Variants in MOGAT1 observed in about 807,000 individuals in gnomAD.
MOGAT1 encodes the protein monoacylglycerol O-acyltransferase 1, also known as 2-acylglycerol O-acyltransferase 1.
MOGAT1 carries 32 observed loss-of-function variants against 31.4 expected under a neutral mutation model. That is an observed-to-expected ratio of 1.02 (90% CI 0.77 to 1.37). The LOEUF (loss-of-function observed/expected upper bound fraction) is 1.37, where lower values mean the gene tolerates loss of function less well. Among genes scored for constraint, MOGAT1 ranks in the 40% most tolerant of loss-of-function variants. The pLI is 0.00. For missense variants in MOGAT1, 426 were observed against 402.0 expected (o/e 1.06, Z -0.51); for synonymous variants, 145 against 144.5 (o/e 1.00, Z -0.03).
intron 5 of MOGAT1, 50 bp from the exon 6 acceptor site, chr2:222,709,686 T>C (rs1559236113): frequency 6.4e-7 from 1 of 1,572,388 alleles, no homozygotes; most frequent in East Asian, 2.2e-5. Flanking sequence ...CGGCGGTCTG[T>C]GGTGGAGTGG....
chr2:222,686,420 T>G (rs544772944), intron 1 of MOGAT1, among the ~76,000 whole-genome samples: 18 of 152,362 alleles, frequency 1.2e-4, no homozygotes, highest in Admixed American at 1.1e-3. Flanking sequence ...CCTATTTCAC[T>G]GTAGCTTATC....
intron 1 of MOGAT1, among the ~76,000 whole-genome samples, chr2:222,682,352 C>G (rs182290876): frequency 6.6e-6 from 1 of 152,308 alleles, no homozygotes; most frequent in South Asian, 2.1e-4. Context: ...TTTCCCTCAT[C>G]GTCTTCAACT....
intron 1 of MOGAT1, 105 bp downstream of exon 1, chr2:222,671,984 G>A: frequency 2.2e-6 from 2 of 929,000 alleles, no homozygotes; most frequent in Non-Finnish European, 3.3e-6. Flanking sequence ...TCGTTCCCCT[G>A]TCGGCCAGAG....
chr2:222,704,149 A>G (rs552999725), intron 5 of MOGAT1, among the ~76,000 whole-genome samples: 1 of 152,324 alleles, frequency 6.6e-6, no homozygotes, highest in South Asian at 2.1e-4. Flanking sequence ...AGGGCAAGGA[A>G]TTCTATTTCT....
chr2:222,673,331 C>CCAAAAAA (rs776588754), intron 1 of MOGAT1, among the ~76,000 whole-genome samples: 1 of 102,238 alleles, frequency 9.8e-6, no homozygotes, highest in African/African-American at 4.4e-5. Context: ...TAGAATTTAC[C>CCAAAAAA]AAAAAAAAAA....
rs370837304 is a variant in MOGAT1 at position 222,709,875 on chromosome 2, T to A, written c.993T>A (p.Thr331=). 1 of 1,601,730 alleles carries A rather than the reference T, an allele frequency of 6.2e-7. No individual in the cohort carries two copies. The highest frequency in any genetic ancestry group is 8.5e-7 in the Non-Finnish European group (1 of 1,175,300). The change falls in exon 6 of 6, where the codon ACT becomes ACA. Residue 331 remains threonine, a synonymous_variant. Coordinates refer to ENST00000446656, the MANE Select transcript of MOGAT1 (RefSeq NM_058165.3). ...AGTATGGCATTCCAGAGCACGAGAC[T>A]CTTGTTTTAAAATGACTTGACTATA... ...KGKYGIPEHE[T]LVLK
intron 5 of MOGAT1, among the ~76,000 whole-genome samples, chr2:222,707,367 GAAAGAGAAA>G (rs1693020690): frequency 7.2e-6 from 1 of 139,122 alleles, no homozygotes; most frequent in Non-Finnish European, 1.5e-5. Flanking sequence ...GAAAGAGAAA[GAAAGAGAAA>G]GAAAGAAAAG....
intron 3 of MOGAT1, among the ~76,000 whole-genome samples, chr2:222,690,296 C>A (rs1361437672): frequency 6.6e-6 from 1 of 152,134 alleles, no homozygotes; most frequent in Non-Finnish European, 1.5e-5. Context: ...CAGTGACTCA[C>A]ACCTGTTATC....
chr2:222,677,373 G>T (rs1381208017), intron 1 of MOGAT1, among the ~76,000 whole-genome samples: 1 of 152,158 alleles, frequency 6.6e-6, no homozygotes, highest in African/African-American at 2.4e-5. Flanking sequence ...GAGATCAGGA[G>T]ATCAAGACCA....
chr2:222,707,597 A>G (rs1462782014), intron 5 of MOGAT1, among the ~76,000 whole-genome samples: 2 of 152,282 alleles, frequency 1.3e-5, no homozygotes, highest in South Asian at 2.1e-4. Flanking sequence ...CTGCTAGTCC[A>G]TATTTCCAGC....
At chr2:222,686,164 GTTAGT>G (rs1692665120) in intron 1 of MOGAT1, among the ~76,000 whole-genome samples, 1 of 152,182 alleles carries the variant, frequency 6.6e-6, no homozygotes, top group Non-Finnish European at 1.5e-5. Context: ...CCTGTAATAA[GTTAGT>G]CTACAGTGTT....
intron 1 of MOGAT1, among the ~76,000 whole-genome samples, chr2:222,684,195 G>A (rs189000440): frequency 8.5e-5 from 13 of 152,240 alleles, no homozygotes; most frequent in African/African-American, 2.6e-4. Flanking sequence ...CCTGAGGTCA[G>A]GAGTTCAAGA....
chr2:222,682,574 C>T (rs1231730020), intron 1 of MOGAT1, among the ~76,000 whole-genome samples: 5 of 152,170 alleles, frequency 3.3e-5, no homozygotes, highest in Non-Finnish European at 7.3e-5. Flanking sequence ...ATTCGATGAT[C>T]ACACTTACAC....
At chr2:222,682,468 C>G (rs1692595916) in intron 1 of MOGAT1, among the ~76,000 whole-genome samples, 1 of 152,114 alleles carries the variant, frequency 6.6e-6, no homozygotes, top group Admixed American at 6.5e-5. Context: ...GTAGAGTGCC[C>G]CCCAACCTGG....
chr2:222,673,733 G>C (rs934278436), intron 1 of MOGAT1, among the ~76,000 whole-genome samples: 1 of 152,178 alleles, frequency 6.6e-6, no homozygotes, highest in Non-Finnish European at 1.5e-5. Flanking sequence ...ACACATCTCT[G>C]ATAGCCACTG....
chr2:222,685,770 T>A (rs1174060791), intron 1 of MOGAT1, among the ~76,000 whole-genome samples: 1 of 151,808 alleles, frequency 6.6e-6, no homozygotes, highest in African/African-American at 2.4e-5. Context: ...CCCACCAATT[T>A]TTGTATTTTT....
At position 222,694,473 on chromosome 2, in the gene MOGAT1, C is replaced by T. The variant is rs1423672510; in HGVS notation, c.590C>T (p.Pro197Leu). The T allele has an allele frequency of 6.2e-7, 1 of 1,613,924 alleles. No homozygotes were observed. Among genetic ancestry groups the T allele is most frequent in the South Asian group, 1.1e-5 (1 of 91,064 alleles). ...GGAKESLDAH[P>L]GKFTLFIRQR... Reference sequence around the variant, plus strand: ...GCAAAAGAATCACTGGATGCTCATCCTGGAAAGTTCACTCTGTTCATCCGC... The same window carrying T: ...GCAAAAGAATCACTGGATGCTCATCTTGGAAAGTTCACTCTGTTCATCCGC... Residue 197 changes from proline (P) to leucine (L), a missense_variant, in exon 4 of 6, where the codon CCT becomes CTT. Coordinates refer to ENST00000446656, the MANE Select transcript of MOGAT1 (RefSeq NM_058165.3).
intron 5 of MOGAT1, among the ~76,000 whole-genome samples, chr2:222,701,926 A>T (rs1692935870): frequency 1.3e-5 from 2 of 152,198 alleles, no homozygotes; most frequent in Admixed American, 1.3e-4. Context: ...GAAAGAAGAG[A>T]CCGTTAAAAT....
chr2:222,703,199 G>C (rs978687605), intron 5 of MOGAT1, among the ~76,000 whole-genome samples: 3 of 152,168 alleles, frequency 2.0e-5, no homozygotes, highest in African/African-American at 7.2e-5. Flanking sequence ...GAAGTAAATG[G>C]GGAGACTAAA....
Sources: gnomAD v4.1 joint callset for allele counts (sites outside exome capture counted in the v4.1 genomes callset) on GRCh38, gnomAD v4.1.1 for gene constraint, MANE v1.5 for transcripts, NCBI Gene and HGNC (gene_info 2026-07-23, HGNC 2026-07-21) for gene names.